The following FNBP1 variants were observed in gnomAD, a reference collection of about 807,000 sequenced individuals.
The protein encoded by FNBP1 is formin binding protein 1.
In FNBP1, 26 loss-of-function variants were observed where a neutral mutation model predicts 90.6. The observed-to-expected ratio is 0.29, with a 90% CI of 0.21 to 0.40. The LOEUF (loss-of-function observed/expected upper bound fraction) is 0.40, where lower values mean the gene tolerates loss of function less well. Among genes scored for constraint, FNBP1 ranks in the 10% least tolerant of loss-of-function variants. The probability of loss-of-function intolerance (pLI) is 1.00; values close to 1 mark genes in which losing one functional copy is unlikely to be tolerated. For missense variants in FNBP1, 635 were observed against 768.0 expected, an observed-to-expected ratio of 0.83 and a Z score of 2.05; for synonymous variants, 260 against 265.2, an observed-to-expected ratio of 0.98 and a Z score of 0.19.
chr9:129,933,298 A>G (rs1282117403), intron 6 of FNBP1, among the ~76,000 whole-genome samples: 1 of 152,106 alleles, frequency 6.6e-6, no homozygotes, highest in Non-Finnish European at 1.5e-5. Context: ...CACTCACGCC[A>G]ATATTTTAGA....
chr9:130,023,685 A>T (rs2058071026), intron 1 of FNBP1, among the ~76,000 whole-genome samples: 1 of 151,524 alleles, frequency 6.6e-6, no homozygotes, highest in African/African-American at 2.4e-5. Context: ...ACTCCATGTT[A>T]GGTGATCTGG....
intron 4 of FNBP1, among the ~76,000 whole-genome samples, chr9:129,969,888 AC>A (rs1366226930): frequency 9.0e-6 from 1 of 110,960 alleles, no homozygotes; most frequent in Non-Finnish European, 1.8e-5. Flanking sequence ...AATATTCCTA[AC>A]TTTTTTTTTT....
At chr9:129,916,892 C>T (rs1461802312) in intron 10 of FNBP1, among the ~76,000 whole-genome samples, 1 of 152,156 alleles carries the variant, frequency 6.6e-6, no homozygotes, top group Admixed American at 6.5e-5. Context: ...AGGCTAGAGG[C>T]CAACATTCTC....
the FNBP1 span, chr9:130,053,836 A>G: frequency 2.5e-6 from 3 of 1,188,730 alleles, no homozygotes; most frequent in Non-Finnish European, 3.6e-6. Flanking sequence ...CAGCGGAGCT[A>G]GCCGCCGAGC....
chr9:129,912,556 C>T (rs891190719), intron 11 of FNBP1, among the ~76,000 whole-genome samples: 1 of 152,070 alleles, frequency 6.6e-6, no homozygotes, highest in Non-Finnish European at 1.5e-5. Flanking sequence ...GGCGTGGTGG[C>T]GCCCGTCTGT....
intron 12 of FNBP1, among the ~76,000 whole-genome samples, chr9:129,906,111 G>A (rs1323694141): frequency 1.3e-5 from 2 of 151,892 alleles, no homozygotes; most frequent in East Asian, 1.9e-4. Flanking sequence ...TTGAACTCCC[G>A]ACCTCAGGTG....
In FNBP1 at chr9:129,978,509, C is replaced by T; in HGVS notation, c.301G>A (p.Asp101Asn). ...AGTTCCTGAACATAGCGTGCCAAGT[C>T]CACAATGATCTGTGATGCCATGTTC... ...SENMASQIIV[D>N]LARYVQELKQ... is the part of the protein sequence containing the mutation. Residue 101 changes from aspartate to asparagine, a missense_variant, in exon 4 of 17, where the codon GAC (aspartate) becomes AAC (asparagine). Asp to Asn is a conservative substitution (Grantham distance 23). Transcript: ENST00000446176. 1.2e-6 allele frequency: 2 copies of T among 1,613,744 alleles called. No homozygotes were observed. Among genetic ancestry groups the T allele is most frequent in the Non-Finnish European group, 1.7e-6 (2 of 1,179,730 alleles).
intron 1 of FNBP1, among the ~76,000 whole-genome samples, chr9:130,039,914 C>A (rs1040078458): frequency 6.6e-6 from 1 of 152,180 alleles, no homozygotes; most frequent in Non-Finnish European, 1.5e-5. Context: ...CTGAAAGCTG[C>A]AACCACCTGT....
chr9:129,915,507 G>A (rs1220314693), intron 11 of FNBP1, among the ~76,000 whole-genome samples: 1 of 152,016 alleles, frequency 6.6e-6, no homozygotes, highest in Non-Finnish European at 1.5e-5. Flanking sequence ...GGGACTACAG[G>A]CGCACGCTGC....
intron 13 of FNBP1, among the ~76,000 whole-genome samples, chr9:129,901,340 C>T (rs1453633188): frequency 1.3e-5 from 2 of 151,826 alleles, no homozygotes; most frequent in Non-Finnish European, 2.9e-5. Context: ...AGTTCGAGAC[C>T]AGCCTGGCCA....
intron 6 of FNBP1, among the ~76,000 whole-genome samples, chr9:129,939,745 T>C (rs1170155505): frequency 6.6e-6 from 1 of 152,132 alleles, no homozygotes; most frequent in East Asian, 1.9e-4. Flanking sequence ...TACAATCCTG[T>C]TTTTATAAGA....
chr9:129,942,988 C>T (rs137861275), intron 6 of FNBP1, among the ~76,000 whole-genome samples: 64 of 152,214 alleles, frequency 4.2e-4, no homozygotes, highest in African/African-American at 1.4e-3. Flanking sequence ...CCACTGCATC[C>T]GGCCCATTTG....
intron 11 of FNBP1, among the ~76,000 whole-genome samples, chr9:129,909,337 A>G (rs568863628): frequency 1.3e-5 from 2 of 152,294 alleles, no homozygotes; most frequent in South Asian, 4.1e-4. Context: ...TTTTCCTACC[A>G]AGTGTTACCA....
At chr9:130,025,005 C>A (rs768114127) in intron 1 of FNBP1, among the ~76,000 whole-genome samples, 1 of 152,040 alleles carries the variant, frequency 6.6e-6, no homozygotes, top group Non-Finnish European at 1.5e-5. Flanking sequence ...CATAGTGAAA[C>A]CCTGTCTCTA....
At chr9:129,906,522 C>T (rs1409286623) in intron 12 of FNBP1, among the ~76,000 whole-genome samples, 1 of 152,168 alleles carries the variant, frequency 6.6e-6, no homozygotes, top group East Asian at 1.9e-4. Context: ...AGTTCCCTTG[C>T]ACAAGCTCTG....
rs564260610 is a variant in FNBP1 at position 130,041,614 on chromosome 9, T to C, written c.24+1338A>G. Among the ~76,000 whole-genome samples, 1 of 152,340 alleles carries C rather than the reference T, an allele frequency of 6.6e-6. No homozygotes were observed. The highest frequency in any genetic ancestry group is 2.1e-4 in the South Asian group (1 of 4,830). Reference sequence around the variant, plus strand: ...TTTTCAAAATGGATACTTGTAAACATCAGCGGAAATTTTGTCATGAATCCC... The same window carrying C: ...TTTTCAAAATGGATACTTGTAAACACCAGCGGAAATTTTGTCATGAATCCC... On this transcript the variant is annotated intron_variant, in intron 1 of 16. Transcript: ENST00000446176. This position sits in a 1 kb window ranked among gnomAD's most constrained non-coding sequence, Gnocchi z 4.3.
chr9:129,945,381 T>A (rs994518703), intron 6 of FNBP1, among the ~76,000 whole-genome samples: 1 of 151,672 alleles, frequency 6.6e-6, no homozygotes, highest in African/African-American at 2.4e-5. Context: ...ACTTCCTTTT[T>A]AAAAAAAAAT....
chr9:129,928,743 G>GT (rs200907468), intron 7 of FNBP1, among the ~76,000 whole-genome samples: 1,931 of 152,122 alleles, frequency 0.013, 18 homozygotes, highest in Middle Eastern at 0.024. Flanking sequence ...AATTTGCAAA[G>GT]TTATTGATTA....
At chr9:129,929,833 T>G (rs544763121) in intron 6 of FNBP1, 138 bp from the exon 7 acceptor site, 1 of 736,524 alleles carries the variant, frequency 1.4e-6, no homozygotes, top group African/African-American at 1.8e-5. Flanking sequence ...GGGTGCTTTT[T>G]AATGTTCTGA....
Sources: allele counts gnomAD v4.1 joint callset (sites outside exome capture counted in the v4.1 genomes callset), GRCh38; gene constraint gnomAD v4.1.1; non-coding constraint Gnocchi (gnomAD v3.1); transcripts MANE v1.5; gene names NCBI Gene and HGNC (gene_info 2026-07-23, HGNC 2026-07-21).